THNSL1: variants seen among roughly 807,000 people sequenced by gnomAD.
THNSL1 encodes the protein threonine synthase like 1, also known as threonine synthase-like 1.
A neutral mutation model predicts 50.4 loss-of-function variants in THNSL1; 48 were observed. That is an observed-to-expected ratio of 0.95 (90% CI 0.76 to 1.21). The LOEUF (loss-of-function observed/expected upper bound fraction) is 1.21, where lower values mean the gene tolerates loss of function less well. THNSL1 is among the 50% of genes most tolerant of loss of function. THNSL1 has a pLI of 0.00. For synonymous variants in THNSL1, 309 were observed against 306.1 expected (o/e 1.01, Z -0.10); for missense variants, 896 against 871.7 (o/e 1.03, Z -0.35).
At chr10:24,984,194 T>C in the THNSL1 span, 2 of 634,986 alleles carry the variant, frequency 3.1e-6, no homozygotes, top group African/African-American at 1.8e-5. Flanking sequence ...TTACGAATAC[T>C]GAAAATATTT....
the THNSL1 span, among the ~76,000 whole-genome samples, chr10:24,996,144 T>TA: frequency 6.6e-6 from 1 of 152,310 alleles, no homozygotes; most frequent in African/African-American, 2.4e-5. Flanking sequence ...AAGGGCAACA[T>TA]AATCAATTAA....
At chr10:25,014,866 C>T (rs892917459), upstream of THNSL1, among the ~76,000 whole-genome samples, 2 of 152,154 alleles carry the variant, frequency 1.3e-5, no homozygotes, top group Non-Finnish European at 2.9e-5. Flanking sequence ...AGCTATTACC[C>T]TAATACTAGT....
chr10:24,967,102 A>T, the THNSL1 span, among the ~76,000 whole-genome samples: 1 of 152,056 alleles, frequency 6.6e-6, no homozygotes, highest in Non-Finnish European at 1.5e-5. Context: ...TCCAGATTCC[A>T]TGGGTACCAG....
At chr10:24,955,161 C>A in the THNSL1 span, among the ~76,000 whole-genome samples, 63 of 152,078 alleles carry the variant, frequency 4.1e-4, 1 homozygote, top group Admixed American at 2.6e-4. Flanking sequence ...AGAGAGAGAG[C>A]AAGGGTGTAG....
At chr10:24,958,268 A>G in the THNSL1 span, among the ~76,000 whole-genome samples, 2 of 152,230 alleles carry the variant, frequency 1.3e-5, no homozygotes, top group Non-Finnish European at 2.9e-5. Context: ...TCAGATTGTT[A>G]GTCACAGAGT....
the THNSL1 span, among the ~76,000 whole-genome samples, chr10:25,005,850 C>T: frequency 3.3e-5 from 5 of 152,242 alleles, no homozygotes; most frequent in Admixed American, 6.5e-5. Context: ...CTCTCACAAG[C>T]TGTTGAGTGA....
chr10:24,988,694 A>ATG, the THNSL1 span, among the ~76,000 whole-genome samples: 2 of 33,974 alleles, frequency 5.9e-5, no homozygotes, highest in South Asian at 1.1e-3. Flanking sequence ...ATATATATAT[A>ATG]TATATATATA....
At chr10:25,012,575 T>C (rs1249090912), upstream of THNSL1, among the ~76,000 whole-genome samples, 7 of 152,168 alleles carry the variant, frequency 4.6e-5, no homozygotes, top group East Asian at 1.2e-3. Context: ...AACTTTAAGG[T>C]TTAATGACTG....
At chr10:24,997,599 G>C in the THNSL1 span, among the ~76,000 whole-genome samples, 2 of 151,908 alleles carry the variant, frequency 1.3e-5, no homozygotes, top group African/African-American at 2.4e-5. Context: ...TTGTTGCTCA[G>C]GCTGGTCTCG....
the THNSL1 span, among the ~76,000 whole-genome samples, chr10:24,968,635 C>T: frequency 1.3e-5 from 2 of 152,206 alleles, no homozygotes; most frequent in African/African-American, 2.4e-5. Context: ...TCAGCTGCGG[C>T]CTTTCTATCC....
At chr10:24,960,890 A>G in the THNSL1 span, among the ~76,000 whole-genome samples, 4 of 152,046 alleles carry the variant, frequency 2.6e-5, no homozygotes, top group East Asian at 7.7e-4. Flanking sequence ...ACACCTTGCC[A>G]TTCCTTGTGT....
the THNSL1 span, among the ~76,000 whole-genome samples, chr10:24,986,429 G>T: frequency 1.3e-5 from 2 of 152,104 alleles, no homozygotes; most frequent in African/African-American, 4.8e-5. Context: ...AAAAAGAGGA[G>T]GCTACACAGT....
At chr10:25,015,894 G>C, upstream of THNSL1, 1 of 1,607,588 alleles carries the variant, frequency 6.2e-7, no homozygotes, top group Non-Finnish European at 8.5e-7. Flanking sequence ...AAGTCACTGG[G>C]TATGAGGTTA....
the THNSL1 span, among the ~76,000 whole-genome samples, chr10:24,965,782 A>G: frequency 6.6e-6 from 1 of 152,358 alleles, no homozygotes; most frequent in East Asian, 1.9e-4. Flanking sequence ...AATAAGCTAC[A>G]GAAATCAGCA....
chr10:24,998,961 C>T, the THNSL1 span, among the ~76,000 whole-genome samples: 67 of 152,254 alleles, frequency 4.4e-4, no homozygotes, highest in African/African-American at 1.5e-3. Flanking sequence ...AGTAAAAGCC[C>T]GTACTCAAAA....
At chr10:24,969,398 G>C in the THNSL1 span, among the ~76,000 whole-genome samples, 1 of 152,144 alleles carries the variant, frequency 6.6e-6, no homozygotes, top group Admixed American at 6.5e-5. Flanking sequence ...CAATAGGTCT[G>C]TTTTTATAAG....
chr10:25,011,416 G>T, the THNSL1 span, among the ~76,000 whole-genome samples: 2 of 152,086 alleles, frequency 1.3e-5, no homozygotes, highest in African/African-American at 4.8e-5. Flanking sequence ...TCTGATGGTA[G>T]TTTCTTTTGC....
chr10:24,968,707 A>T, the THNSL1 span, among the ~76,000 whole-genome samples: 1 of 152,186 alleles, frequency 6.6e-6, no homozygotes, highest in Non-Finnish European at 1.5e-5. Flanking sequence ...GGGATTTCAG[A>T]CACTGTAGTG....
the THNSL1 span, chr10:24,995,576 A>T: frequency 7.6e-7 from 1 of 1,307,458 alleles, no homozygotes; most frequent in African/African-American, 1.5e-5. Flanking sequence ...GATAACATAG[A>T]TGATCATCAT....
Sources: gnomAD v4.1 joint callset for allele counts (sites outside exome capture counted in the v4.1 genomes callset) on GRCh38, gnomAD v4.1.1 for gene constraint, MANE v1.5 for transcripts, NCBI Gene and HGNC (gene_info 2026-07-23, HGNC 2026-07-21) for gene names.